CSNK1G2: variants seen among roughly 807,000 people sequenced by gnomAD.
CSNK1G2 encodes the protein casein kinase 1 gamma 2, also known as casein kinase I isoform gamma-2.
In CSNK1G2, 11 loss-of-function variants were observed where a neutral mutation model predicts 48.0. The observed-to-expected ratio is 0.23, with a 90% CI of 0.14 to 0.38. The LOEUF (loss-of-function observed/expected upper bound fraction) is 0.38. Among genes scored for constraint, CSNK1G2 ranks in the 10% least tolerant of loss-of-function variants. CSNK1G2 has a pLI of 1.00. For missense variants in CSNK1G2, 446 were observed against 595.5 expected (o/e 0.75, Z 2.61); for synonymous variants, 337 against 254.1 (o/e 1.33, Z -3.10).
At chr19:1,948,103 C>A (rs1298404028) in intron 1 of CSNK1G2, among the ~76,000 whole-genome samples, 4 of 152,142 alleles carry the variant, frequency 2.6e-5, no homozygotes, top group Non-Finnish European at 5.9e-5. Context: ...GGGGCGGCCC[C>A]GCCCTGGGCT....
intron 1 of CSNK1G2, chr19:1,952,909 A>T: frequency 2.2e-6 from 1 of 448,390 alleles, no homozygotes; most frequent in Non-Finnish European, 4.4e-6. Context: ...AACCGAGGTG[A>T]CTGCCTTCGA....
At position 1,980,358 on chromosome 19, in the gene CSNK1G2, C is replaced by A. The variant is rs1439500754; in HGVS notation, c.*155C>A. ...CAGGGGCCGCGCCTGGCTCAGGCGG[C>A]CCCACCCCCGGGACGTGGGGTCACT... On this transcript the variant is annotated 3_prime_UTR_variant, in exon 12 of 12. Coordinates refer to ENST00000255641, the MANE Select transcript of CSNK1G2 (RefSeq NM_001319.7). 10 of 904,848 alleles carry A rather than the reference C, an allele frequency of 1.1e-5. No individual in the cohort carries two copies. The highest frequency in any genetic ancestry group is 7.0e-5 in the Admixed American group (3 of 42,802). 56.1% of individuals were successfully genotyped at this position (904,848 alleles called of 1,614,324 possible). A position where few individuals can be genotyped will look rare whatever the true frequency, so the allele number is the denominator to read the frequency against.
rs900463577 is a variant in CSNK1G2, at chr19:1,981,049, A to C, written c.*846A>C. 6.6e-6 allele frequency: 1 copy of C among 152,026 alleles called. No individual in the cohort carries two copies. The highest frequency in any genetic ancestry group is 1.5e-5 in the Non-Finnish European group (1 of 68,028). The allele number at this position is 152,026 out of a possible 1,614,324, so 9.4% of individuals were successfully genotyped here. A position where few individuals can be genotyped will look rare whatever the true frequency, so the allele number is the denominator to read the frequency against. On this transcript the variant is annotated 3_prime_UTR_variant, in exon 12 of 12. Coordinates refer to ENST00000255641, the MANE Select transcript of CSNK1G2 (RefSeq NM_001319.7). ...GAGCTTCCTGCCTCTCTGCTCCGAC[A>C]CCCGGCAAGCAGCCGGAGACAAAAC...
At chr19:1,946,171 C>T (rs933386218) in intron 1 of CSNK1G2, among the ~76,000 whole-genome samples, 5 of 152,082 alleles carry the variant, frequency 3.3e-5, no homozygotes, top group Non-Finnish European at 5.9e-5. Flanking sequence ...TGTCTCAGGC[C>T]GCGCAGAGGA....
At chr19:1,971,557 A>T (rs983608079) in intron 2 of CSNK1G2, among the ~76,000 whole-genome samples, 1 of 152,246 alleles carries the variant, frequency 6.6e-6, no homozygotes, top group Non-Finnish European at 1.5e-5. Context: ...GCACACGCAC[A>T]CAGGCGCACA....
At chr19:1,973,085 A>G (rs1348670445) in intron 2 of CSNK1G2, among the ~76,000 whole-genome samples, 2 of 146,898 alleles carry the variant, frequency 1.4e-5, no homozygotes, top group African/African-American at 5.1e-5. Flanking sequence ...CCGCCACCAC[A>G]CCCAGCTAAT....
At chr19:1,946,173 C>T (rs889225454) in intron 1 of CSNK1G2, among the ~76,000 whole-genome samples, 8 of 152,036 alleles carry the variant, frequency 5.3e-5, no homozygotes, top group African/African-American at 1.5e-4. Context: ...TCTCAGGCCG[C>T]GCAGAGGAGG....
Position 1,979,851 on chromosome 19 carries a change from G to C in CSNK1G2, c.1086+16G>C. The C allele has an allele frequency of 1.2e-6, 2 of 1,602,450 alleles. No individual in the cohort carries two copies. Among genetic ancestry groups the C allele is most frequent in the Non-Finnish European group, 8.5e-7 (1 of 1,175,140 alleles). ...CAAAAACCAGGTGAGGCCCGGGCGG[G>C]ACCGACCGCCCCAGGGAGGGGCATG... is the stretch of plus-strand genomic sequence containing the variant. On this transcript the variant is annotated intron_variant, in intron 10 of 11. Transcript: ENST00000255641.
chr19:1,953,876 A>G (rs1599292111), intron 1 of CSNK1G2: 2 of 533,420 alleles, frequency 3.7e-6, no homozygotes, highest in African/African-American at 3.9e-5. Flanking sequence ...GCGACCTGTG[A>G]CGGCTCAGCT....
chr19:1,970,339 G>A (rs948019343), intron 2 of CSNK1G2, among the ~76,000 whole-genome samples: 3 of 152,232 alleles, frequency 2.0e-5, no homozygotes, highest in African/African-American at 4.8e-5. Context: ...CTCAGCTCGT[G>A]GGAGGTCTTG....
intron 1 of CSNK1G2, among the ~76,000 whole-genome samples, chr19:1,965,576 C>T (rs1455514339): frequency 2.0e-5 from 3 of 152,104 alleles, no homozygotes; most frequent in Non-Finnish European, 4.4e-5. Context: ...TCTTGGCTCA[C>T]TGCATCCTCC....
intron 1 of CSNK1G2, among the ~76,000 whole-genome samples, chr19:1,955,630 T>C (rs1568187139): frequency 2.0e-5 from 3 of 151,512 alleles, no homozygotes; most frequent in Admixed American, 1.3e-4. Context: ...GGCTGGGCCC[T>C]CCCTCTGCTG....
In CSNK1G2 at chr19:1,979,756, C is replaced by T; in HGVS notation, c.1007C>T (p.Thr336Ile). ...CCCCTGCTCCCTCACCCACAGCCGA[C>T]CCCCATCGGCACCGTCCACACCGAC... ...EYDWAGKPLP[T>I]PIGTVHTDLP... Residue 336 changes from threonine to isoleucine, a missense_variant, in exon 10 of 12, where the codon ACC becomes ATC. Transcript: ENST00000255641. The T allele has an allele frequency of 3.7e-6, 6 of 1,606,046 alleles. No individual in the cohort carries two copies. Among genetic ancestry groups the T allele is most frequent in the Non-Finnish European group, 4.2e-6 (5 of 1,179,304 alleles).
chr19:1,952,725 G>C (rs2014814517), intron 1 of CSNK1G2: 2 of 276,840 alleles, frequency 7.2e-6, no homozygotes, highest in Non-Finnish European at 1.5e-5. Flanking sequence ...CCGGTGCACA[G>C]GGCCAGGAGC....
intron 2 of CSNK1G2, among the ~76,000 whole-genome samples, chr19:1,977,297 G>A (rs1327859850): frequency 6.6e-6 from 1 of 152,212 alleles, no homozygotes; most frequent in Admixed American, 6.5e-5. Context: ...CCGTGTGCCT[G>A]CAGGGACCGG....
intron 1 of CSNK1G2, among the ~76,000 whole-genome samples, chr19:1,944,078 T>C (rs1474555230): frequency 6.6e-6 from 1 of 151,704 alleles, no homozygotes; most frequent in Non-Finnish European, 1.5e-5. Flanking sequence ...AGGGTTGCGG[T>C]GGTGGCGGGC....
In CSNK1G2 at chr19:1,980,251, G is replaced by T. The variant is rs2145603324; in HGVS notation, c.*48G>T. On this transcript the variant is annotated 3_prime_UTR_variant, in exon 12 of 12. Transcript: ENST00000255641. ...GAATCTTCTCCGTGCAGCCCCTTGG[G>T]GCGCGACCTTGTGCGAGGCCCTCGG... 1 of 1,608,656 alleles carries T rather than the reference G, an allele frequency of 6.2e-7. No homozygotes were observed. Among genetic ancestry groups the T allele is most frequent in the African/African-American group, 1.3e-5 (1 of 74,932 alleles).
At chr19:1,949,465 C>T (rs889068449) in intron 1 of CSNK1G2, among the ~76,000 whole-genome samples, 1 of 152,220 alleles carries the variant, frequency 6.6e-6, no homozygotes, top group Admixed American at 6.5e-5. Context: ...GCGCCATGGC[C>T]CGCGTCCGAG....
Position 1,969,754 on chromosome 19 carries a change from G to C in CSNK1G2, c.-19G>C, listed in dbSNP as rs1344214499. On this transcript the variant is annotated 5_prime_UTR_variant, in exon 2 of 12. Transcript: ENST00000255641. Reference sequence around the variant, plus strand: ...ACGGCAGCAGAGTCACCGTGGAGAGGCCAGGGTATCACAAACTTATGGATT... The same window carrying C: ...ACGGCAGCAGAGTCACCGTGGAGAGCCCAGGGTATCACAAACTTATGGATT... 3 of 1,285,672 alleles carry C rather than the reference G, an allele frequency of 2.3e-6. No homozygotes were observed. The highest frequency in any genetic ancestry group is 1.5e-5 in the African/African-American group (1 of 65,918). The allele number at this position is 1,285,672 out of a possible 1,614,324, so 79.6% of individuals were successfully genotyped here. A position where few individuals can be genotyped will look rare whatever the true frequency, so the allele number is the denominator to read the frequency against.
Sources: allele counts gnomAD v4.1 joint callset (sites outside exome capture counted in the v4.1 genomes callset), GRCh38; gene constraint gnomAD v4.1.1; transcripts MANE v1.5; gene names NCBI Gene and HGNC (gene_info 2026-07-23, HGNC 2026-07-21).